Variants in RAB30 observed in about 807,000 individuals in gnomAD.
The protein encoded by RAB30 is ras-related protein Rab-30.
In RAB30, 9 loss-of-function variants were observed where a neutral mutation model predicts 25.1. That is an observed-to-expected ratio of 0.36 (90% CI 0.22 to 0.63). The LOEUF (loss-of-function observed/expected upper bound fraction) is 0.63. RAB30 is among the 20% of genes least tolerant of loss of function. RAB30 has a pLI of 0.69. For missense variants in RAB30, 140 were observed against 243.5 expected, an observed-to-expected ratio of 0.58 and a Z score of 2.83; for synonymous variants, 77 against 86.4, an observed-to-expected ratio of 0.89 and a Z score of 0.60.
Position 83,001,660 on chromosome 11 carries a change from C to T in RAB30, c.-8-4336G>A, listed in dbSNP as rs556771360. On this transcript the variant is annotated intron_variant, in intron 1 of 4. Coordinates refer to ENST00000527633, the MANE Select transcript of RAB30 (RefSeq NM_001286060.2). ...TTATCTGCAAACTTCTACTCTTTGACGAAGCCCTTCTGTTTGGTACATAAA... is the reference window on the plus strand; with the variant it reads ...TTATCTGCAAACTTCTACTCTTTGATGAAGCCCTTCTGTTTGGTACATAAA... Among the ~76,000 whole-genome samples the T allele has an allele frequency of 1.2e-4, 18 of 152,286 alleles. 1 individual carries two copies. The highest frequency in any genetic ancestry group is 6.2e-4 in the South Asian group (3 of 4,820).
chr11:82,993,946 A>G, intron 3 of RAB30, 93 bp downstream of exon 3: 2 of 1,019,712 alleles, frequency 2.0e-6, no homozygotes. Flanking sequence ...TGTGGGTTTC[A>G]ATTAGGAGAT....
At chr11:82,986,569 C>G (rs1401024108) in intron 4 of RAB30, among the ~76,000 whole-genome samples, 1 of 152,230 alleles carries the variant, frequency 6.6e-6, no homozygotes, top group African/African-American at 2.4e-5. Flanking sequence ...ACAGGGAGCA[C>G]TAGCTCATAG....
chr11:83,016,266 G>A (rs1315351744), intron 1 of RAB30, among the ~76,000 whole-genome samples: 3 of 152,160 alleles, frequency 2.0e-5, no homozygotes, highest in Admixed American at 2.0e-4. Context: ...AATTGGGGGA[G>A]TGGAGGAGAA....
chr11:83,010,541 T>C (rs1444164262), intron 1 of RAB30, among the ~76,000 whole-genome samples: 1 of 152,218 alleles, frequency 6.6e-6, no homozygotes, highest in Non-Finnish European at 1.5e-5. Context: ...TTTCCTTTTT[T>C]TCATATTTAT....
chr11:83,034,709 A>G (rs1448343176), intron 1 of RAB30: 1 of 152,214 alleles, frequency 6.6e-6, no homozygotes, highest in Non-Finnish European at 1.5e-5. Flanking sequence ...GGAGGAAATA[A>G]GTATTTTGAG....
At chr11:82,989,755 A>T (rs1239368180) in intron 3 of RAB30, among the ~76,000 whole-genome samples, 1 of 152,222 alleles carries the variant, frequency 6.6e-6, no homozygotes. Flanking sequence ...TTACCTTCTC[A>T]TAGGGGGCTG....
At chr11:83,028,556 A>G (rs529237070) in intron 1 of RAB30, among the ~76,000 whole-genome samples, 1 of 152,288 alleles carries the variant, frequency 6.6e-6, no homozygotes, top group South Asian at 2.1e-4. Context: ...AGAGGAGGGA[A>G]AGACAAATAG....
intron 1 of RAB30, among the ~76,000 whole-genome samples, chr11:83,046,134 G>A (rs763546075): frequency 2.0e-5 from 3 of 152,178 alleles, no homozygotes; most frequent in Non-Finnish European, 4.4e-5. Flanking sequence ...AGGCATATAT[G>A]GGATATACTA....
intron 1 of RAB30, among the ~76,000 whole-genome samples, chr11:83,006,519 C>T (rs1590847887): frequency 1.3e-5 from 2 of 152,296 alleles, no homozygotes; most frequent in South Asian, 4.1e-4. Flanking sequence ...ACAAAAGAAA[C>T]TGGCAACAGT....
chr11:83,014,662 GAA>G (rs1206851435), intron 1 of RAB30, among the ~76,000 whole-genome samples: 130 of 144,382 alleles, frequency 9.0e-4, no homozygotes, highest in African/African-American at 3.3e-3. Flanking sequence ...AAGAAAGAAA[GAA>G]AGAAAGAAAG....
intron 1 of RAB30, among the ~76,000 whole-genome samples, chr11:83,049,801 T>A (rs1224505224): frequency 6.6e-6 from 1 of 152,212 alleles, no homozygotes; most frequent in African/African-American, 2.4e-5. Flanking sequence ...TTATCAGGCA[T>A]CTTTGGAAAT....
Position 82,982,790 on chromosome 11 carries a change from A to C in RAB30, c.362-375T>G, listed in dbSNP as rs369499146. On this transcript the variant is annotated intron_variant, in intron 4 of 4. Coordinates refer to ENST00000527633, the MANE Select transcript of RAB30 (RefSeq NM_001286060.2). Reference sequence around the variant, plus strand: ...GGCAGAAGAATCGCTTGAACCCCAGAGGCAGAGGTTGCAGTGAGTCGAGAT... The same window carrying C: ...GGCAGAAGAATCGCTTGAACCCCAGCGGCAGAGGTTGCAGTGAGTCGAGAT... Among the ~76,000 whole-genome samples the C allele has an allele frequency of 4.1e-4, 63 of 152,256 alleles. No individual in the cohort carries two copies. The East Asian group carries it at 0.011, about 27-fold the overall frequency.
chr11:83,071,880 G>C lies in RAB30; in HGVS notation c.-198C>G, dbSNP rs1338439190. On this transcript the variant is annotated 5_prime_UTR_variant, in exon 1 of 5. Transcript: ENST00000527633. ...GCAAGCCCAGCAGCAGCAGGGGGTGGAGAGACCGTAGCACAATGAATGCAG... is the reference window on the plus strand; with the variant it reads ...GCAAGCCCAGCAGCAGCAGGGGGTGCAGAGACCGTAGCACAATGAATGCAG... 1 of 385,726 alleles carries C rather than the reference G, an allele frequency of 2.6e-6. No individual in the cohort carries two copies. Among genetic ancestry groups the C allele is most frequent in the East Asian group, 3.7e-5 (1 of 26,932 alleles). The allele number at this position is 385,726 out of a possible 1,614,324, so 23.9% of individuals were successfully genotyped here.
intron 1 of RAB30, among the ~76,000 whole-genome samples, chr11:83,021,686 C>T (rs555053102): frequency 2.0e-5 from 3 of 152,182 alleles, no homozygotes; most frequent in African/African-American, 7.2e-5. Flanking sequence ...GCCGAGTGGG[C>T]GGAACAAGCC....
chr11:83,046,497 CT>C (rs200842827), intron 1 of RAB30, among the ~76,000 whole-genome samples: 217 of 145,598 alleles, frequency 1.5e-3, no homozygotes, highest in Admixed American at 1.4e-3. Flanking sequence ...ATAATTTTTA[CT>C]TTTTTTTTTT....
intron 4 of RAB30, 107 bp downstream of exon 4, chr11:82,987,480 T>C (rs1055982518): frequency 2.2e-5 from 25 of 1,121,124 alleles, no homozygotes; most frequent in South Asian, 6.0e-5. Context: ...GCATGAATTA[T>C]TAGCTAAAGA....
Position 83,061,987 on chromosome 11 carries a change from A to G in RAB30, c.-9+9704T>C, listed in dbSNP as rs538167384. 1.8e-4 allele frequency among the ~76,000 whole-genome samples: 27 copies of G among 152,266 alleles called. No individual in the cohort carries two copies. The East Asian group carries it at 4.8e-3, about 27-fold the overall frequency. On this transcript the variant is annotated intron_variant, in intron 1 of 4. Coordinates refer to ENST00000527633, the MANE Select transcript of RAB30 (RefSeq NM_001286060.2). ...TATGGCTCCAGTGAACAAAAGGTCT[A>G]CAGAAAACTCTTCCCCCGTGCCTGA...
At chr11:82,994,173 T>A (rs1445818146) in intron 2 of RAB30, 51 bp from the exon 3 acceptor site, 1 of 1,491,472 alleles carries the variant, frequency 6.7e-7, no homozygotes, top group Non-Finnish European at 9.3e-7. Context: ...TTCCATTAAA[T>A]GAAATTTTCT....
chr11:83,069,874 C>G (rs1327706088), intron 1 of RAB30, among the ~76,000 whole-genome samples: 2 of 152,066 alleles, frequency 1.3e-5, no homozygotes, highest in Non-Finnish European at 2.9e-5. Context: ...GCTCATCCTG[C>G]CAAGCACAGA....
Sources: gnomAD v4.1 joint callset for allele counts (sites outside exome capture counted in the v4.1 genomes callset) on GRCh38, gnomAD v4.1.1 for gene constraint, MANE v1.5 for transcripts, NCBI Gene and HGNC (gene_info 2026-07-23, HGNC 2026-07-21) for gene names.